Variants in MGMT observed in about 807,000 individuals in gnomAD.
The protein encoded by MGMT is methylated-DNA--protein-cysteine methyltransferase.
Under a neutral mutation model 15.9 loss-of-function variants are expected in MGMT, and 14 were observed. The ratio of observed to expected loss-of-function variants is 0.88; its 90% confidence interval spans 0.58 to 1.37. The LOEUF is 1.37. Ranked by LOEUF, MGMT falls within the 40% of genes most tolerant of loss-of-function variation. The pLI, the probability that MGMT is intolerant of heterozygous loss-of-function variation, is 0.00. For synonymous variants in MGMT, 130 were observed against 118.2 expected (o/e 1.10, Z -0.65); for missense variants, 282 against 268.1 (o/e 1.05, Z -0.36).
intron 3 of MGMT, among the ~76,000 whole-genome samples, chr10:129,716,772 A>G (rs894100277): frequency 6.6e-6 from 1 of 152,232 alleles, no homozygotes; most frequent in East Asian, 1.9e-4. Context: ...TATTTATGAC[A>G]AATGTAAAAC....
intron 2 of MGMT, among the ~76,000 whole-genome samples, chr10:129,673,292 A>T (rs1335582270): frequency 4.1e-5 from 6 of 146,224 alleles, no homozygotes; most frequent in East Asian, 2.0e-4. Context: ...ATCCCAATTT[A>T]AAAAAAAAAA....
At chr10:129,734,142 A>G (rs1214993957) in intron 3 of MGMT, among the ~76,000 whole-genome samples, 1 of 150,918 alleles carries the variant, frequency 6.6e-6, no homozygotes, top group Non-Finnish European at 1.5e-5. Flanking sequence ...TCTGTAAATT[A>G]CCTTGGGCAG....
At chr10:129,491,809 T>A (rs992381871) in intron 1 of MGMT, among the ~76,000 whole-genome samples, 9 of 152,262 alleles carry the variant, frequency 5.9e-5, no homozygotes, top group African/African-American at 2.2e-4. Flanking sequence ...ATTTTAATTC[T>A]ATATTTAAAA....
At chr10:129,485,826 C>G (rs1317651055) in intron 1 of MGMT, among the ~76,000 whole-genome samples, 1 of 152,200 alleles carries the variant, frequency 6.6e-6, no homozygotes, top group Non-Finnish European at 1.5e-5. Flanking sequence ...GAGAGGCCTG[C>G]TGGGCTGTTA....
intron 1 of MGMT, among the ~76,000 whole-genome samples, chr10:129,530,981 C>T (rs1845925135): frequency 6.6e-6 from 1 of 152,256 alleles, no homozygotes; most frequent in African/African-American, 2.4e-5. Context: ...CGCCACTCTG[C>T]CCACCTCGTG....
intron 1 of MGMT, among the ~76,000 whole-genome samples, chr10:129,506,235 G>GTTGT (rs1276714262): frequency 6.6e-6 from 1 of 152,108 alleles, no homozygotes; most frequent in African/African-American, 2.4e-5. Context: ...TGTCGGTACT[G>GTTGT]TCGTGGTTGA....
chr10:129,484,168 G>T (rs946581631), intron 1 of MGMT, among the ~76,000 whole-genome samples: 40 of 152,050 alleles, frequency 2.6e-4, no homozygotes, highest in Admixed American at 2.6e-3. Context: ...ACCTCATATA[G>T]ATTTTTCATC....
intron 4 of MGMT, among the ~76,000 whole-genome samples, chr10:129,761,431 T>C (rs754194974): frequency 7.2e-5 from 11 of 152,218 alleles, no homozygotes; most frequent in Admixed American, 2.0e-4. Context: ...GGCAGCACCC[T>C]CCCCCACCAG....
At chr10:129,735,145 C>T (rs949543949) in intron 3 of MGMT, among the ~76,000 whole-genome samples, 2 of 152,142 alleles carry the variant, frequency 1.3e-5, no homozygotes, top group African/African-American at 2.4e-5. Context: ...GGTACCAGTT[C>T]CTCCTTGTAC....
chr10:129,752,619 T>C (rs1471657107), intron 3 of MGMT, among the ~76,000 whole-genome samples: 1 of 152,046 alleles, frequency 6.6e-6, no homozygotes, highest in African/African-American at 2.4e-5. Context: ...TCTCTTCATA[T>C]AGTTTTTCTA....
chr10:129,742,172 C>CA (rs1226418623), intron 3 of MGMT, among the ~76,000 whole-genome samples: 1 of 152,226 alleles, frequency 6.6e-6, no homozygotes, highest in Non-Finnish European at 1.5e-5. Context: ...GACTTGCTCT[C>CA]AGTGTTCTGT....
chr10:129,578,496 A>T (rs919798844), intron 2 of MGMT, among the ~76,000 whole-genome samples: 3 of 151,604 alleles, frequency 2.0e-5, no homozygotes, highest in Non-Finnish European at 4.4e-5. Flanking sequence ...GAACACATGG[A>T]CACAGGAAGG....
intron 2 of MGMT, among the ~76,000 whole-genome samples, chr10:129,578,393 T>C (rs1287229374): frequency 6.6e-6 from 1 of 152,172 alleles, no homozygotes; most frequent in Non-Finnish European, 1.5e-5. Context: ...GGGACATGGA[T>C]GAAGCTGGAA....
chr10:129,658,328 A>G (rs535486596), intron 2 of MGMT, among the ~76,000 whole-genome samples: 1 of 152,298 alleles, frequency 6.6e-6, no homozygotes, highest in South Asian at 2.1e-4. Flanking sequence ...ACCTTAAAAC[A>G]GACACAGGGA....
chr10:129,473,865 A>G (rs1385838614), intron 1 of MGMT, among the ~76,000 whole-genome samples: 6 of 152,096 alleles, frequency 3.9e-5, no homozygotes, highest in African/African-American at 1.2e-4. Context: ...CCCACTAGAG[A>G]GTGGAACGAC....
chr10:129,559,383 T>A (rs1410732411), intron 2 of MGMT, among the ~76,000 whole-genome samples: 1 of 152,198 alleles, frequency 6.6e-6, no homozygotes, highest in African/African-American at 2.4e-5. Flanking sequence ...TTGAGGGGTT[T>A]ATAGAAATTA....
At chr10:129,631,904 A>G (rs1430368145) in intron 2 of MGMT, among the ~76,000 whole-genome samples, 2 of 152,134 alleles carry the variant, frequency 1.3e-5, no homozygotes, top group African/African-American at 2.4e-5. Context: ...AGTCCTTCTA[A>G]TTTCTTTTTT....
At chr10:129,539,167 C>A (rs1345549848) in intron 2 of MGMT, among the ~76,000 whole-genome samples, 1 of 152,028 alleles carries the variant, frequency 6.6e-6, no homozygotes, top group African/African-American at 2.4e-5. Context: ...TTTTTGTGTT[C>A]CCTGTAAGAA....
intron 2 of MGMT, among the ~76,000 whole-genome samples, chr10:129,675,784 G>T (rs935083063): frequency 6.6e-6 from 1 of 152,154 alleles, no homozygotes; most frequent in Non-Finnish European, 1.5e-5. Flanking sequence ...AGGTGGTGTC[G>T]CCAAGGGAGC....
Sources: allele counts gnomAD v4.1 joint callset (sites outside exome capture counted in the v4.1 genomes callset), GRCh38; gene constraint gnomAD v4.1.1; transcripts MANE v1.5; gene names NCBI Gene and HGNC (gene_info 2026-07-23, HGNC 2026-07-21).